The following FUT9 variants were observed in gnomAD, a reference collection of about 807,000 sequenced individuals.
The protein encoded by FUT9 is 4-galactosyl-N-acetylglucosaminide 3-alpha-L-fucosyltransferase 9.
FUT9 carries 15 observed loss-of-function variants against 29.7 expected under a neutral mutation model. The ratio of observed to expected loss-of-function variants is 0.51; its 90% CI spans 0.34 to 0.78. The LOEUF (loss-of-function observed/expected upper bound fraction) is 0.78. Among genes scored for constraint, FUT9 ranks in the 30% least tolerant of loss-of-function variants. The pLI is 0.01. For synonymous variants in FUT9, 169 were observed against 153.7 expected, an observed-to-expected ratio of 1.10 and a Z score of -0.74; for missense variants, 319 against 425.4, an observed-to-expected ratio of 0.75 and a Z score of 2.20.
chr6:96,100,129 A>G (rs1218681407), intron 1 of FUT9, among the ~76,000 whole-genome samples: 1 of 152,074 alleles, frequency 6.6e-6, no homozygotes, highest in Non-Finnish European at 1.5e-5. Context: ...CAATGGTCTT[A>G]CTAGAGGTTG....
At chr6:96,086,361 A>G (rs920976517) in intron 1 of FUT9, among the ~76,000 whole-genome samples, 4 of 152,050 alleles carry the variant, frequency 2.6e-5, no homozygotes, top group African/African-American at 7.2e-5. Context: ...CTGCTTATCA[A>G]TTTGTTGTCA....
chr6:96,074,451 G>A (rs536582422), intron 1 of FUT9, among the ~76,000 whole-genome samples: 3 of 152,244 alleles, frequency 2.0e-5, no homozygotes, highest in African/African-American at 7.2e-5. Flanking sequence ...TTAGGAGTCA[G>A]ATTTTTGTTT....
At chr6:96,093,891 C>T (rs966075293) in intron 1 of FUT9, among the ~76,000 whole-genome samples, 1 of 152,076 alleles carries the variant, frequency 6.6e-6, no homozygotes, top group African/African-American at 2.4e-5. Context: ...CCAGGTTATA[C>T]AGCAGCAGAG....
At chr6:96,197,220 G>C (rs139717215) in intron 2 of FUT9, among the ~76,000 whole-genome samples, 2,028 of 152,262 alleles carry the variant, frequency 0.013, 20 homozygotes, top group Non-Finnish European at 0.019. Flanking sequence ...CTGCAGAAAT[G>C]AATCAGGGAC....
At chr6:96,032,451 AAAGAC>A (rs1735874507) in intron 1 of FUT9, among the ~76,000 whole-genome samples, 1 of 151,670 alleles carries the variant, frequency 6.6e-6, no homozygotes. Context: ...CACTAGAAAG[AAAGAC>A]AAGTAGTAAG....
At chr6:96,203,119 C>T in intron 2 of FUT9, 29 bp from the exon 3 acceptor site, 1 of 1,522,112 alleles carries the variant, frequency 6.6e-7, no homozygotes, top group South Asian at 1.2e-5. Context: ...CCACCGCTAC[C>T]TCCCCTTCTG....
intron 2 of FUT9, among the ~76,000 whole-genome samples, chr6:96,176,462 A>C (rs2127984651): frequency 6.6e-6 from 1 of 152,282 alleles, no homozygotes; most frequent in South Asian, 2.1e-4. Flanking sequence ...GTAGCACAAA[A>C]GCAGTCATAG....
intron 1 of FUT9, among the ~76,000 whole-genome samples, chr6:96,091,875 G>A (rs1562121756): frequency 2.0e-5 from 3 of 152,036 alleles, no homozygotes; most frequent in Non-Finnish European, 2.9e-5. Context: ...TAAGGATTTT[G>A]AGCGAGAAAA....
intron 2 of FUT9, among the ~76,000 whole-genome samples, chr6:96,143,405 A>G (rs960026010): frequency 1.3e-5 from 2 of 152,166 alleles, no homozygotes; most frequent in African/African-American, 4.8e-5. Context: ...TTTTTTGCTT[A>G]GTGGCATAAC....
intron 2 of FUT9, among the ~76,000 whole-genome samples, chr6:96,144,494 C>T (rs999669145): frequency 9.9e-5 from 15 of 152,230 alleles, no homozygotes; most frequent in African/African-American, 3.6e-4. Context: ...TGTACATAAT[C>T]AAATATTGCC....
intron 2 of FUT9, among the ~76,000 whole-genome samples, chr6:96,118,374 T>C (rs1371638274): frequency 1.3e-5 from 2 of 152,020 alleles, no homozygotes; most frequent in African/African-American, 2.4e-5. Context: ...CAGGCAATGA[T>C]TGACCACATG....
intron 2 of FUT9, among the ~76,000 whole-genome samples, chr6:96,159,251 G>A (rs1260177434): frequency 6.6e-6 from 1 of 151,830 alleles, no homozygotes; most frequent in Non-Finnish European, 1.5e-5. Context: ...TAGATGTGAA[G>A]ACAAGTGATT....
At chr6:96,064,282 A>G (rs1265525803) in intron 1 of FUT9, among the ~76,000 whole-genome samples, 1 of 152,226 alleles carries the variant, frequency 6.6e-6, no homozygotes, top group African/African-American at 2.4e-5. Context: ...CTATGAGTTT[A>G]GTACTGAGAC....
At chr6:96,173,416 G>T (rs1354768312) in intron 2 of FUT9, among the ~76,000 whole-genome samples, 2 of 152,180 alleles carry the variant, frequency 1.3e-5, no homozygotes, top group Admixed American at 6.6e-5. Flanking sequence ...ACAGCAATTT[G>T]AACAGTACTC....
At chr6:96,109,138 G>C (rs1479413724) in intron 1 of FUT9, among the ~76,000 whole-genome samples, 1 of 152,108 alleles carries the variant, frequency 6.6e-6, no homozygotes, top group African/African-American at 2.4e-5. Flanking sequence ...CATAGTACTT[G>C]TCATTATTTT....
chr6:96,202,379 TATGTAAGTGAGAACGTTTTTCCA>T (rs1434824597), intron 2 of FUT9, among the ~76,000 whole-genome samples: 19 of 152,240 alleles, frequency 1.2e-4, no homozygotes, highest in African/African-American at 4.6e-4. Context: ...GCCCTTAGGC[TATGTAAGTGAGAACGTTTTTCCA>T]ATGCAAATAG....
chr6:96,026,630 A>G (rs1770173853), intron 1 of FUT9, among the ~76,000 whole-genome samples: 1 of 151,658 alleles, frequency 6.6e-6, no homozygotes, highest in Non-Finnish European at 1.5e-5. Context: ...AGGGTGTCCA[A>G]ATTTTCCTAA....
intron 1 of FUT9, among the ~76,000 whole-genome samples, chr6:96,109,200 G>C (rs1310926461): frequency 6.6e-6 from 1 of 152,134 alleles, no homozygotes; most frequent in Admixed American, 6.5e-5. Context: ...TAAGAAGCTT[G>C]CTTCTATTAA....
intron 2 of FUT9, among the ~76,000 whole-genome samples, chr6:96,127,240 G>A (rs149907570): frequency 1.3e-5 from 2 of 152,140 alleles, no homozygotes; most frequent in South Asian, 2.1e-4. Flanking sequence ...CCTTCTTTGT[G>A]TACATGTGTA....
Sources: gnomAD v4.1 joint callset for allele counts (sites outside exome capture counted in the v4.1 genomes callset) on GRCh38, gnomAD v4.1.1 for gene constraint, MANE v1.5 for transcripts, NCBI Gene and HGNC (gene_info 2026-07-23, HGNC 2026-07-21) for gene names.